UBR2: variants seen among roughly 807,000 people sequenced by gnomAD.
UBR2 encodes the protein E3 ubiquitin-protein ligase UBR2.
UBR2 carries 92 observed loss-of-function variants against 247.9 expected under a neutral mutation model. The ratio of observed to expected loss-of-function variants is 0.37; its 90% CI spans 0.31 to 0.44. UBR2 has a LOEUF of 0.44. Ranked by LOEUF, UBR2 falls within the 20% of genes least tolerant of loss-of-function variation. The pLI is 1.00. For missense variants in UBR2, 1,613 were observed against 2,112.6 expected (o/e 0.76, Z 4.64); for synonymous variants, 672 against 693.5 (o/e 0.97, Z 0.49).
In UBR2 at chr6:42,564,101, T is replaced by C; in HGVS notation, c.-219T>C. The C allele has an allele frequency of 1.8e-6, 1 of 560,096 alleles. No homozygotes were observed. The highest frequency in any genetic ancestry group is 3.1e-6 in the Non-Finnish European group (1 of 322,794). The allele number at this position is 560,096 out of a possible 1,614,324, so 34.7% of individuals were successfully genotyped here. ...CTGGGTCAGGGACGAGCCAGTGACTTGACTCTTGGGCGCTAAGCTTGGGAG... is the reference window on the plus strand; with the variant it reads ...CTGGGTCAGGGACGAGCCAGTGACTCGACTCTTGGGCGCTAAGCTTGGGAG... On this transcript the variant is annotated 5_prime_UTR_variant, in exon 1 of 47. Coordinates refer to ENST00000372901, the MANE Select transcript of UBR2 (RefSeq NM_001363705.2).
chr6:42,590,137 A>G (rs1792563518), intron 2 of UBR2, among the ~76,000 whole-genome samples: 1 of 152,208 alleles, frequency 6.6e-6, no homozygotes. Context: ...AAAATAATAT[A>G]TGTGTAATAT....
At chr6:42,583,061 C>A (rs543752344) in intron 2 of UBR2, among the ~76,000 whole-genome samples, 1 of 152,018 alleles carries the variant, frequency 6.6e-6, no homozygotes, top group Non-Finnish European at 1.5e-5. Context: ...ACAAGTCCTT[C>A]GTCAGACTCA....
intron 6 of UBR2, 144 bp downstream of exon 6, chr6:42,606,003 G>C (rs891501571): frequency 1.4e-6 from 1 of 723,410 alleles, no homozygotes; most frequent in African/African-American, 1.8e-5. Flanking sequence ...TCAGCACTTT[G>C]GGAGGCCAAG....
Position 42,676,830 on chromosome 6 carries a change from G to A in UBR2, c.4435G>A (p.Ala1479Thr). ...AAATCCCCCTTGTGAAGAAGAATCAGCAGTTCTTGCTTTGTATAAAACACT... is the reference window on the plus strand; with the variant it reads ...AAATCCCCCTTGTGAAGAAGAATCAACAGTTCTTGCTTTGTATAAAACACT... Reference protein sequence around the residue: ...QENPPCEEESAVLALYKTLHQ... With the variant: ...QENPPCEEESTVLALYKTLHQ... The change falls in exon 40 of 47, where the codon GCA becomes ACA. Residue 1479 changes from alanine to threonine, a missense_variant. Ala to Thr is a moderately conservative substitution (Grantham distance 58). This residue lies in a region of UBR2 where 1,524 missense variants were observed against 1,967.3 expected (regional missense o/e 0.77). Coordinates refer to ENST00000372901, the MANE Select transcript of UBR2 (RefSeq NM_001363705.2). 3.7e-6 allele frequency: 6 copies of A among 1,614,010 alleles called. No individual in the cohort carries two copies. The highest frequency in any genetic ancestry group is 5.1e-6 in the Non-Finnish European group (6 of 1,179,984).
At chr6:42,632,989 CTT>C in intron 13 of UBR2, 85 bp downstream of exon 13, 1 of 831,082 alleles carries the variant, frequency 1.2e-6, no homozygotes. Flanking sequence ...TTTTCTTTTT[CTT>C]TTTAAGAGAT....
intron 22 of UBR2, among the ~76,000 whole-genome samples, chr6:42,649,608 C>T (rs536096435): frequency 6.6e-5 from 10 of 152,120 alleles, no homozygotes; most frequent in Admixed American, 3.3e-4. Context: ...TATGAGCAGT[C>T]TTTTAGTACC....
chr6:42,626,735 A>G (rs1400483706), intron 11 of UBR2, among the ~76,000 whole-genome samples: 5 of 152,166 alleles, frequency 3.3e-5, no homozygotes, highest in East Asian at 1.9e-4. Context: ...TGTTCACTCT[A>G]TAGGAACTTG....
chr6:42,566,445 C>T (rs537456220), intron 1 of UBR2, among the ~76,000 whole-genome samples: 5 of 152,146 alleles, frequency 3.3e-5, no homozygotes, highest in Admixed American at 6.5e-5. Context: ...AGTGCAATGG[C>T]GCAATCTTGG....
intron 31 of UBR2, among the ~76,000 whole-genome samples, chr6:42,662,674 T>G (rs886605761): frequency 1.3e-5 from 2 of 152,220 alleles, no homozygotes; most frequent in South Asian, 4.1e-4. Flanking sequence ...AATGGCTCCC[T>G]GTGATGAGAT....
intron 4 of UBR2, among the ~76,000 whole-genome samples, chr6:42,598,171 C>G (rs2151922629): frequency 6.6e-6 from 1 of 152,182 alleles, no homozygotes. Flanking sequence ...CTGACTCCTA[C>G]AAGCCAAATC....
Position 42,619,434 on chromosome 6 carries a change from TA to T in UBR2, c.1281+1928del, listed in dbSNP as rs1562317961. 117 of 23,214 alleles carry T rather than the reference TA, an allele frequency of 5.0e-3. 8 individuals are homozygous for T. Among genetic ancestry groups the T allele is most frequent in the African/African-American group, 0.014 (89 of 6,138 alleles). 1.4% of individuals were successfully genotyped at this position (23,214 alleles called of 1,614,324 possible). A position where few individuals can be genotyped will look rare whatever the true frequency, so the allele number is the denominator to read the frequency against. ...GAACATATATATATATATATATATA[TA>T]TATATATATATATATATATTTTTTT... On this transcript the variant is annotated intron_variant, in intron 11 of 46. Transcript: ENST00000372901.
At chr6:42,644,567 A>C in intron 20 of UBR2, 31 bp downstream of exon 20, 1 of 1,577,868 alleles carries the variant, frequency 6.3e-7, no homozygotes, top group Non-Finnish European at 8.7e-7. Flanking sequence ...GCATTTAATA[A>C]ATTACACTGA....
chr6:42,677,061 A>G (rs778868838), intron 40 of UBR2, among the ~76,000 whole-genome samples, 188 bp downstream of exon 40: 24 of 152,162 alleles, frequency 1.6e-4, no homozygotes, highest in Non-Finnish European at 2.9e-4. Context: ...AATCTGGGAG[A>G]AAGGTGATAA....
rs1418581489 is a variant in UBR2, at chr6:42,670,698, C to A, written c.4069C>A (p.Pro1357Thr). 29 of 1,610,002 alleles carry A rather than the reference C, an allele frequency of 1.8e-5. No individual in the cohort carries two copies. The highest frequency in any genetic ancestry group is 2.0e-5 in the Non-Finnish European group (24 of 1,178,312). The change falls in exon 36 of 47, where the codon CCT (proline) becomes ACT (threonine). Residue 1357 changes from proline to threonine, a missense_variant. Around this residue, in one of 3 missense-constraint regions of UBR2, gnomAD observed 1,524 missense variants for 1,967.3 expected, o/e 0.77. Transcript: ENST00000372901. Reference sequence around the variant, plus strand: ...TGATGAAGATAAACCATTGTTTGGTCCTTTACCTTGCAGACTGGTAAGTTC... The same window carrying A: ...TGATGAAGATAAACCATTGTTTGGTACTTTACCTTGCAGACTGGTAAGTTC... ...LSDEDKPLFG[P>T]LPCRLDDCLR...
intron 7 of UBR2, among the ~76,000 whole-genome samples, chr6:42,610,045 C>T (rs1463282987): frequency 1.3e-5 from 2 of 151,960 alleles, no homozygotes; most frequent in South Asian, 2.1e-4. Flanking sequence ...AATGGATAGG[C>T]ATGCACCTAT....
intron 3 of UBR2, among the ~76,000 whole-genome samples, chr6:42,593,686 C>G (rs1354074153): frequency 6.6e-6 from 1 of 152,120 alleles, no homozygotes; most frequent in East Asian, 1.9e-4. Context: ...GCCCCTATTA[C>G]TTGTCCTTTC....
chr6:42,663,133 ATTTAG>A (rs1327141441), intron 31 of UBR2, 120 bp from the exon 32 acceptor site: 10 of 770,314 alleles, frequency 1.3e-5, no homozygotes, highest in African/African-American at 5.5e-5. Context: ...GTTAAAAATA[ATTTAG>A]TTTAAGATTT....
At chr6:42,571,435 T>G (rs1049369973) in intron 1 of UBR2, among the ~76,000 whole-genome samples, 1 of 151,642 alleles carries the variant, frequency 6.6e-6, no homozygotes, top group East Asian at 1.9e-4. Flanking sequence ...ATCATGGAGG[T>G]GAATTATTTT....
At chr6:42,599,402 C>A (rs906146883) in intron 4 of UBR2, among the ~76,000 whole-genome samples, 3 of 151,704 alleles carry the variant, frequency 2.0e-5, no homozygotes, top group Admixed American at 2.0e-4. Context: ...TGAGAGAGAC[C>A]CTCTTAAAGA....
Sources: allele counts gnomAD v4.1 joint callset (sites outside exome capture counted in the v4.1 genomes callset), GRCh38; gene constraint gnomAD v4.1.1; regional missense constraint gnomAD v4.1.1; transcripts MANE v1.5; gene names NCBI Gene and HGNC (gene_info 2026-07-23, HGNC 2026-07-21).